The following NOTUM variants were observed in gnomAD, a reference collection of about 807,000 sequenced individuals.
The protein encoded by NOTUM is notum, palmitoleoyl-protein carboxylesterase.
A neutral mutation model predicts 65.5 loss-of-function variants in NOTUM; 36 were observed. That is an observed-to-expected ratio of 0.55 (90% CI 0.42 to 0.73). NOTUM has a LOEUF of 0.73. NOTUM is among the 30% of genes least tolerant of loss of function. NOTUM has a pLI of 0.00. For missense variants in NOTUM, 659 were observed against 694.2 expected (o/e 0.95, Z 0.57); for synonymous variants, 356 against 297.9 (o/e 1.20, Z -2.01).
Position 81,959,700 on chromosome 17 carries a change from G to C in NOTUM, c.324-8C>G. The C allele has an allele frequency of 6.8e-7, 1 of 1,473,264 alleles. No homozygotes were observed. The highest frequency in any genetic ancestry group is 9.0e-7 in the Non-Finnish European group (1 of 1,110,042). 91.3% of individuals were successfully genotyped at this position (1,473,264 alleles called of 1,614,324 possible). ...GACTCCTTCAGGTAGTAGCTGCGGG[G>C]GAGGACGCACCGCGGGGGGTCGGCC... On this transcript the variant is annotated splice_region_variant and splice_polypyrimidine_tract_variant and intron_variant, in intron 1 of 10. Coordinates refer to ENST00000409678, the MANE Select transcript of NOTUM (RefSeq NM_178493.6).
chr17:81,954,931 ATCTCTCTCTC>A (rs35033192), intron 9 of NOTUM, among the ~76,000 whole-genome samples: 11 of 110,126 alleles, frequency 1.0e-4, no homozygotes, highest in East Asian at 4.9e-4. Context: ...ACCGATCTCG[ATCTCTCTCTC>A]TCTCTCTCTC....
rs2041400342 is a variant in NOTUM, at chr17:81,953,136, C to G, written c.1316G>C (p.Ser439Thr). The G allele has an allele frequency of 6.2e-7, 1 of 1,613,380 alleles. No individual in the cohort carries two copies. The highest frequency in any genetic ancestry group is 1.7e-5 in the Admixed American group (1 of 59,990). Reference protein sequence around the residue: ...LKGCPVHLVDSCPWPHCNPSC... With the variant: ...LKGCPVHLVDTCPWPHCNPSC... ...GGGGTTGCAGTGGGGCCAGGGGCAG[C>G]TGTCCACCAGGTGGACGGGGCAGCC... Residue 439 changes from serine (S) to threonine (T), a missense_variant, in exon 11 of 11, where the codon AGC (serine) becomes ACC (threonine). Physicochemically the swap from Ser to Thr is moderately conservative, Grantham distance 58. Transcript: ENST00000409678.
chr17:81,960,067 G>C lies in NOTUM; in HGVS notation c.324-375C>G, dbSNP rs2143949916. On this transcript the variant is annotated intron_variant, in intron 1 of 10. Coordinates refer to ENST00000409678, the MANE Select transcript of NOTUM (RefSeq NM_178493.6). This position sits in a 1 kb window ranked among gnomAD's most constrained non-coding sequence, Gnocchi z 6.4. ...GGAACGGGACGCCGCGGGGAGCGCG[G>C]GAGGCGCGGGCGGCACCGACCCGGC... Among the ~76,000 whole-genome samples, 1 of 152,120 alleles carries C rather than the reference G, an allele frequency of 6.6e-6. No individual in the cohort carries two copies. The highest frequency in any genetic ancestry group is 2.4e-5 in the African/African-American group (1 of 41,512).
intron 8 of NOTUM, among the ~76,000 whole-genome samples, chr17:81,956,031 C>T (rs1455190785): frequency 6.6e-6 from 1 of 152,116 alleles, no homozygotes; most frequent in South Asian, 2.1e-4. Context: ...CAGTCATAGG[C>T]CCCCACAGAA....
At chr17:81,958,683 G>A (rs2041451485) in intron 4 of NOTUM, among the ~76,000 whole-genome samples, 3 of 151,162 alleles carry the variant, frequency 2.0e-5, no homozygotes, top group African/African-American at 4.9e-5. Flanking sequence ...TCCCAGGAGA[G>A]GACCCTGCCA....
Position 81,952,800 on chromosome 17 carries a change from G to A in NOTUM, c.*161C>T. 2 of 648,378 alleles carry A rather than the reference G, an allele frequency of 3.1e-6. No homozygotes were observed. The highest frequency in any genetic ancestry group is 2.8e-5 in the Admixed American group (1 of 36,152). 40.2% of individuals were successfully genotyped at this position (648,378 alleles called of 1,614,324 possible). A position where few individuals can be genotyped will look rare whatever the true frequency, so the allele number is the denominator to read the frequency against. ...CTGGCTGGGCTGTGGGAGAGGGGCA[G>A]GGAAAGCCGGGGCAGGAGGGCAGTG... On this transcript the variant is annotated 3_prime_UTR_variant, in exon 11 of 11. Coordinates refer to ENST00000409678, the MANE Select transcript of NOTUM (RefSeq NM_178493.6).
Position 81,956,729 on chromosome 17 carries a change from C to T in NOTUM, c.909G>A (p.Pro303=), listed in dbSNP as rs772738091. ...CCTGGAACTGGCGTCGGCAGCGCTC[C>T]GGGACCACCCCGTTCCAGTACCTGG... is the stretch of plus-strand genomic sequence containing the variant. ...RGIRYWNGVV[P]ERCRRQFQEG... Residue 303 remains proline (P), a synonymous_variant, in exon 8 of 11, where the codon CCG becomes CCA. Coordinates refer to ENST00000409678, the MANE Select transcript of NOTUM (RefSeq NM_178493.6). 1.1e-4 allele frequency: 184 copies of T among 1,612,694 alleles called. No homozygotes were observed. Among genetic ancestry groups the T allele is most frequent in the Non-Finnish European group, 1.6e-4 (183 of 1,179,860 alleles).
chr17:81,960,802 G>GGGA lies in NOTUM; in HGVS notation c.105_107dup (p.Pro37dup). On this transcript the variant is annotated inframe_insertion, in exon 1 of 11. Transcript: ENST00000409678. The surrounding 1 kb of genome is among the most constrained non-coding windows in gnomAD (Gnocchi z 6.4). ...CCGCCGGCGCCGCCTCGGTCCGCGGGGGAGGAGGCGGCTGCTGACCCCGGC... is the reference window on the plus strand; with the variant it reads ...CCGCCGGCGCCGCCTCGGTCCGCGGGGGAGGAGGAGGCGGCTGCTGACCCCGGC... The GGGA allele has an allele frequency of 6.5e-7, 1 of 1,544,674 alleles. No homozygotes were observed. The highest frequency in any genetic ancestry group is 8.7e-7 in the Non-Finnish European group (1 of 1,146,534).
chr17:81,959,760 C>G, intron 1 of NOTUM, 68 bp from the exon 2 acceptor site: 2 of 1,023,008 alleles, frequency 2.0e-6, no homozygotes, highest in Non-Finnish European at 2.5e-6. Flanking sequence ...GCGCGCCCAG[C>G]TCCGGCGGAG....
rs1395718082 is a variant in NOTUM at position 81,957,899 on chromosome 17, G to C, written c.602C>G (p.Ala201Gly). Residue 201 changes from alanine (A) to glycine (G), a missense_variant, in exon 6 of 11, where the codon GCC becomes GGC. Physicochemically the swap from Ala to Gly is moderately conservative, Grantham distance 60. Coordinates refer to ENST00000409678, the MANE Select transcript of NOTUM (RefSeq NM_178493.6). ...ASSKSEKNEY[A>G]FMGALIIQEV... ...CTGGATGATGAGGGCGCCCATGAAG[G>C]CGTACTCGTCTGCAAGAGGGAGGGG... 1 of 1,601,134 alleles carries C rather than the reference G, an allele frequency of 6.2e-7. No homozygotes were observed. The highest frequency in any genetic ancestry group is 1.7e-5 in the Admixed American group (1 of 58,808).
rs772378230 is a variant in NOTUM, at chr17:81,955,486, C to T, written c.1047G>A (p.Val349=). The T allele has an allele frequency of 5.6e-6, 9 of 1,611,024 alleles. No homozygotes were observed. The East Asian group carries it at 1.1e-4, about 20-fold the overall frequency. ...FDEAQLTVDN[V]HLTGQPVQEG... ...CCTGCACCGGCTGCCCCGTCAGGTG[C>T]ACGTTGTCCACCGTCAGCTGTGCCT... The change falls in exon 9 of 11, where the codon GTG becomes GTA. Residue 349 remains valine, a synonymous_variant. Coordinates refer to ENST00000409678, the MANE Select transcript of NOTUM (RefSeq NM_178493.6).
chr17:81,955,336 C>T (rs962130654), intron 9 of NOTUM, 61 bp downstream of exon 9: 2 of 1,407,356 alleles, frequency 1.4e-6, no homozygotes, highest in African/African-American at 2.9e-5. Context: ...TTCTCAGGAC[C>T]TCTATTTTTA....
chr17:81,957,194 C>T (rs547949533), intron 6 of NOTUM, 120 bp from the exon 7 acceptor site: 14 of 755,278 alleles, frequency 1.9e-5, no homozygotes, highest in South Asian at 1.6e-4. Context: ...TTCTGAACTG[C>T]GGATGCATTC....
chr17:81,957,970 C>G, intron 5 of NOTUM, 62 bp from the exon 6 acceptor site: 1 of 1,232,698 alleles, frequency 8.1e-7, no homozygotes, highest in South Asian at 1.3e-5. Context: ...CCTCCTACCC[C>G]AGAATGGCTG....
intron 9 of NOTUM, 94 bp from the exon 10 acceptor site, chr17:81,954,397 A>G: frequency 1.2e-6 from 1 of 818,082 alleles, no homozygotes; most frequent in Non-Finnish European, 1.9e-6. Context: ...CCTGGCCATC[A>G]CCCCTTCCTG....
intron 9 of NOTUM, among the ~76,000 whole-genome samples, chr17:81,955,007 G>A (rs1409756520): frequency 6.6e-6 from 1 of 151,488 alleles, no homozygotes; most frequent in African/African-American, 2.4e-5. Flanking sequence ...TTGAGACAGA[G>A]TCTTACTCCG....
Position 81,960,625 on chromosome 17 carries a change from G to A in NOTUM, c.285C>T (p.Leu95=). ...CGTCGTTGCAGGTCACCGAGGTGTTGAGTAGGAGGTGCAGGCGCAGGTCCT... is the reference window on the plus strand; with the variant it reads ...CGTCGTTGCAGGTCACCGAGGTGTTAAGTAGGAGGTGCAGGCGCAGGTCCT... ...LNEDLRLHLL[L]NTSVTCNDGS... Residue 95 remains leucine, a synonymous_variant, in exon 1 of 11, where the codon CTC becomes CTT. Coordinates refer to ENST00000409678, the MANE Select transcript of NOTUM (RefSeq NM_178493.6). This position sits in a 1 kb window ranked among gnomAD's most constrained non-coding sequence, Gnocchi z 6.4. 1.3e-6 allele frequency: 2 copies of A among 1,542,418 alleles called. No homozygotes were observed. The highest frequency in any genetic ancestry group is 1.2e-5 in the South Asian group (1 of 84,244).
chr17:81,954,785 T>A (rs995206350), intron 9 of NOTUM, among the ~76,000 whole-genome samples: 1 of 151,638 alleles, frequency 6.6e-6, no homozygotes, highest in East Asian at 1.9e-4. Flanking sequence ...CCTGGATAAT[T>A]TCTGTATGTG....
At chr17:81,957,204 C>T (rs2041440245) in intron 6 of NOTUM, 130 bp from the exon 7 acceptor site, 1 of 717,684 alleles carries the variant, frequency 1.4e-6, no homozygotes, top group Admixed American at 2.8e-5. Flanking sequence ...CGGATGCATT[C>T]TGCATTCTCT....
Sources: gnomAD v4.1 joint callset for allele counts (sites outside exome capture counted in the v4.1 genomes callset) on GRCh38, gnomAD v4.1.1 for gene constraint, Gnocchi (gnomAD v3.1) non-coding constraint, MANE v1.5 for transcripts, NCBI Gene and HGNC (gene_info 2026-07-23, HGNC 2026-07-21) for gene names.